Variants in CSGALNACT1 observed in about 807,000 individuals in gnomAD.
CSGALNACT1 encodes beta4GalNAcT-1.
Under a neutral mutation model 51.0 loss-of-function variants are expected in CSGALNACT1, and 52 were observed. The observed-to-expected ratio is 1.02, with a 90% CI of 0.82 to 1.29. CSGALNACT1 has a LOEUF of 1.29. Ranked by LOEUF, CSGALNACT1 falls within the 50% of genes most tolerant of loss-of-function variation. CSGALNACT1 has a pLI of 0.00. For missense variants in CSGALNACT1, 935 were observed against 679.2 expected, an observed-to-expected ratio of 1.38 and a Z score of -4.19; for synonymous variants, 341 against 254.4, an observed-to-expected ratio of 1.34 and a Z score of -3.24.
chr8:19,560,271 G>C (rs922678950), intron 3 of CSGALNACT1, among the ~76,000 whole-genome samples: 3 of 152,118 alleles, frequency 2.0e-5, no homozygotes, highest in Non-Finnish European at 2.9e-5. Context: ...AAGACTGCAA[G>C]ATTAAACTCT....
At chr8:19,521,285 A>G (rs1235893845) in intron 3 of CSGALNACT1, among the ~76,000 whole-genome samples, 2 of 152,154 alleles carry the variant, frequency 1.3e-5, no homozygotes, top group South Asian at 2.1e-4. Context: ...GGCTATTACA[A>G]TGTTCTAAAT....
intron 1 of CSGALNACT1, among the ~76,000 whole-genome samples, chr8:19,670,650 CAAAAAAAAAAAA>C (rs752256046): frequency 3.2e-5 from 3 of 92,848 alleles, no homozygotes; most frequent in Admixed American, 1.5e-4. Context: ...CTACTGAAGA[CAAAAAAAAAAAA>C]AAAAAAAAAA....
At chr8:19,446,420 C>G (rs1006906138) in intron 5 of CSGALNACT1, among the ~76,000 whole-genome samples, 9 of 152,108 alleles carry the variant, frequency 5.9e-5, no homozygotes, top group Non-Finnish European at 1.0e-4. Context: ...GGGAGCTCAT[C>G]ATTTTCCCAT....
chr8:19,417,819 C>T (rs2057178354), intron 8 of CSGALNACT1, among the ~76,000 whole-genome samples: 3 of 152,220 alleles, frequency 2.0e-5, no homozygotes, highest in Non-Finnish European at 2.9e-5. Flanking sequence ...GGGAGAAGGG[C>T]CTTTTCCCTC....
chr8:19,614,552 C>T (rs958569468), intron 1 of CSGALNACT1, among the ~76,000 whole-genome samples: 3 of 152,164 alleles, frequency 2.0e-5, no homozygotes, highest in African/African-American at 7.2e-5. Flanking sequence ...TTATACTCTT[C>T]TATAACCATC....
rs1030931712 is a variant in CSGALNACT1, at chr8:19,427,795, A to T, written c.954-7277T>A. ...ACAGCAAGACTCCACTTCAAAAAAA[A>T]AAAGAAAGAAAATTAGAGGGTGGCA... On this transcript the variant is annotated intron_variant, in intron 6 of 9. Transcript: ENST00000454498. Among the ~76,000 whole-genome samples the T allele has an allele frequency of 2.0e-5, 3 of 152,088 alleles. No homozygotes were observed. The East Asian group carries it at 5.8e-4, about 29-fold the overall frequency.
chr8:19,666,581 G>C (rs996873300), intron 1 of CSGALNACT1, among the ~76,000 whole-genome samples: 1 of 151,362 alleles, frequency 6.6e-6, no homozygotes, highest in East Asian at 1.9e-4. Flanking sequence ...TGTAATCCCA[G>C]CTACTCAGGA....
At chr8:19,447,081 T>C (rs574476584) in intron 5 of CSGALNACT1, among the ~76,000 whole-genome samples, 62 of 152,206 alleles carry the variant, frequency 4.1e-4, no homozygotes, top group Non-Finnish European at 7.6e-4. Context: ...TCTGCACGCC[T>C]GCCCTGTGGA....
Position 19,734,219 on chromosome 8 carries a change from C to G in CSGALNACT1, c.-297+23631G>C, listed in dbSNP as rs563322554. Reference sequence around the variant, plus strand: ...ACAACCTGAAATCTACACCTTGTACCAAGTGTTAAACTGGATGAAGTTGGC... The same window carrying G: ...ACAACCTGAAATCTACACCTTGTACGAAGTGTTAAACTGGATGAAGTTGGC... On this transcript the variant is annotated intron_variant, in intron 1 of 1. Coordinates refer to the CSGALNACT1 transcript ENST00000517494. 9.8e-5 allele frequency among the ~76,000 whole-genome samples: 15 copies of G among 152,308 alleles called. No individual in the cohort carries two copies. In the South Asian group the frequency reaches 2.9e-3, roughly 29 times the overall value.
intron 7 of CSGALNACT1, among the ~76,000 whole-genome samples, chr8:19,419,433 A>G (rs145665206): frequency 4.3e-4 from 66 of 152,290 alleles, no homozygotes; most frequent in African/African-American, 1.3e-3. Context: ...GGGCAGTTGG[A>G]CTAGACTTAG....
chr8:19,537,574 G>A (rs367608113), intron 3 of CSGALNACT1, among the ~76,000 whole-genome samples: 6 of 152,116 alleles, frequency 3.9e-5, no homozygotes, highest in South Asian at 4.1e-4. Flanking sequence ...GCTTCTGCCA[G>A]AGACTACCCT....
intron 5 of CSGALNACT1, among the ~76,000 whole-genome samples, chr8:19,455,973 C>G (rs139668097): frequency 6.6e-6 from 1 of 152,198 alleles, no homozygotes; most frequent in Non-Finnish European, 1.5e-5. Flanking sequence ...CCTACCTCCA[C>G]GAGCAAGGGA....
At position 19,600,331 on chromosome 8, in the gene CSGALNACT1, C is replaced by T. The variant is rs544627521; in HGVS notation, c.-416+1440G>A. On this transcript the variant is annotated intron_variant, in intron 2 of 9. Transcript: ENST00000454498. ...TCTTGACCTTGTGATCCACCTGCTT[C>T]GGTCTCCCAAAGTGCTGGGATTATA... 3.9e-5 allele frequency among the ~76,000 whole-genome samples: 6 copies of T among 152,292 alleles called. No individual in the cohort carries two copies. In the East Asian group the frequency reaches 9.6e-4, roughly 24 times the overall value.
upstream of CSGALNACT1, among the ~76,000 whole-genome samples, chr8:19,604,091 T>A (rs560520501): frequency 3.3e-5 from 5 of 152,254 alleles, no homozygotes; most frequent in South Asian, 1.0e-3. Context: ...AGTACATGTC[T>A]CCTTAGCCGT....
At chr8:19,727,625 G>A (rs2063476764) in intron 1 of CSGALNACT1, among the ~76,000 whole-genome samples, 1 of 152,220 alleles carries the variant, frequency 6.6e-6, no homozygotes, top group Non-Finnish European at 1.5e-5. Context: ...GATTATAGGT[G>A]TGAGCCACTG....
chr8:19,406,286 T>C (rs1455253199), intron 9 of CSGALNACT1, among the ~76,000 whole-genome samples: 2 of 152,024 alleles, frequency 1.3e-5, no homozygotes, highest in Admixed American at 6.6e-5. Flanking sequence ...CTTCTTCAGA[T>C]GACAGGACCT....
chr8:19,630,194 C>CTGTGTGTGTGTGTGTGTGTG (rs55947851), intron 1 of CSGALNACT1, among the ~76,000 whole-genome samples: 1 of 137,784 alleles, frequency 7.3e-6, no homozygotes, highest in African/African-American at 2.7e-5. Context: ...TCCCACGTCT[C>CTGTGTGTGTGTGTGTGTGTG]TGTGTGTGTG....
At chr8:19,512,050 G>C (rs1422299626) in intron 3 of CSGALNACT1, among the ~76,000 whole-genome samples, 1 of 152,192 alleles carries the variant, frequency 6.6e-6, no homozygotes, top group Non-Finnish European at 1.5e-5. Flanking sequence ...ATGAGATTTG[G>C]GTGGGGACAC....
At chr8:19,601,620 G>A (rs1226643405) in intron 2 of CSGALNACT1, 151 bp downstream of exon 2, 1 of 282,944 alleles carries the variant, frequency 3.5e-6, no homozygotes, top group Non-Finnish European at 7.0e-6. Flanking sequence ...TATTATTTTG[G>A]AAGAAGTATC....
Sources: allele counts gnomAD v4.1 joint callset (sites outside exome capture counted in the v4.1 genomes callset), GRCh38; gene constraint gnomAD v4.1.1; transcripts MANE v1.5; gene names NCBI Gene and HGNC (gene_info 2026-07-23, HGNC 2026-07-21).